PRTG: variants seen among roughly 807,000 people sequenced by gnomAD.
PRTG encodes immunoglobulin superfamily, DCC subclass, member 5.
PRTG carries 67 observed loss-of-function variants against 122.5 expected under a neutral mutation model. The ratio of observed to expected loss-of-function variants is 0.55; its 90% CI spans 0.45 to 0.67. PRTG has a LOEUF of 0.67. PRTG is among the 30% of genes least tolerant of loss of function. The pLI, the probability that PRTG is intolerant of heterozygous loss-of-function variation, is 0.00. For synonymous variants in PRTG, 554 were observed against 501.1 expected, an observed-to-expected ratio of 1.11 and a Z score of -1.41; for missense variants, 1,435 against 1,415.4, an observed-to-expected ratio of 1.01 and a Z score of -0.22.
rs1473205325 is a variant in PRTG at position 55,673,558 on chromosome 15, A to G, written c.1665T>C (p.Ser555=). The G allele has an allele frequency of 6.2e-7, 1 of 1,614,196 alleles. No individual in the cohort carries two copies. Among genetic ancestry groups the G allele is most frequent in the Non-Finnish European group, 8.5e-7 (1 of 1,180,034 alleles). The part of the protein sequence containing the change: ...RRGQVVLYRL[S]FRLSTENSIQ... ...TTGAATTCTCAGTACTTAGGCGGAA[A>G]GACAAGCGATACAGCACCACTTGGC... The change falls in exon 10 of 20, where the codon TCT becomes TCC. Residue 555 remains serine (S), a synonymous_variant. Transcript: ENST00000389286.
Position 55,618,082 on chromosome 15 carries a change from T to C in PRTG, c.*1930A>G, listed in dbSNP as rs2059148602. The C allele has an allele frequency of 6.6e-6, 1 of 152,194 alleles. No individual in the cohort carries two copies. The highest frequency in any genetic ancestry group is 2.1e-4 in the South Asian group (1 of 4,824). 9.4% of individuals were successfully genotyped at this position (152,194 alleles called of 1,614,324 possible). On this transcript the variant is annotated 3_prime_UTR_variant, in exon 20 of 20. Transcript: ENST00000389286. ...CAGCATTTTTCCTTGCTGCAGACTG[T>C]TCACCTAAAGCTCTGCTTTTTTGTT...
intron 18 of PRTG, among the ~76,000 whole-genome samples, chr15:55,623,387 G>A (rs533108048): frequency 6.6e-6 from 1 of 152,258 alleles, no homozygotes; most frequent in African/African-American, 2.4e-5. Flanking sequence ...GACCAACACG[G>A]TGAAACCCCA....
At chr15:55,742,702 G>T (rs1171752226) in intron 1 of PRTG, 136 bp downstream of exon 1, 4 of 1,046,020 alleles carry the variant, frequency 3.8e-6, no homozygotes, top group Non-Finnish European at 5.6e-6. Context: ...GGGCGAGAGC[G>T]GGGGCCGGGG....
intron 15 of PRTG, among the ~76,000 whole-genome samples, chr15:55,636,049 G>T (rs1428411124): frequency 6.6e-6 from 1 of 151,686 alleles, no homozygotes; most frequent in Non-Finnish European, 1.5e-5. Flanking sequence ...TCAAGATTTA[G>T]GCTGGGCGTG....
In PRTG at chr15:55,655,836, G is replaced by C. The variant is rs761746021; in HGVS notation, c.2042-14628C>G. The C allele has an allele frequency of 4.6e-5, 7 of 152,202 alleles. No individual in the cohort carries two copies. The East Asian group carries it at 7.7e-4, about 17-fold the overall frequency. The allele number at this position is 152,202 out of a possible 1,614,324, so 9.4% of individuals were successfully genotyped here. ...AGTGCTGTTGTTTTAACCTTTCAGTGCCTAATCATTGTAAAACCATTATCT... is the reference window on the plus strand; with the variant it reads ...AGTGCTGTTGTTTTAACCTTTCAGTCCCTAATCATTGTAAAACCATTATCT... On this transcript the variant is annotated intron_variant, in intron 11 of 19. Coordinates refer to ENST00000389286, the MANE Select transcript of PRTG (RefSeq NM_173814.6).
chr15:55,732,675 G>C (rs2031277098), intron 2 of PRTG, among the ~76,000 whole-genome samples: 2 of 151,862 alleles, frequency 1.3e-5, no homozygotes, highest in South Asian at 4.2e-4. Flanking sequence ...TGTATTTTCA[G>C]TAGAGAGGGG....
chr15:55,620,166 C>T lies in PRTG; in HGVS notation c.3299G>A (p.Ser1100Asn), dbSNP rs1472815467. The T allele has an allele frequency of 1.9e-6, 3 of 1,614,070 alleles. No individual in the cohort carries two copies. Among genetic ancestry groups the T allele is most frequent in the East Asian group, 4.5e-5 (2 of 44,904 alleles). Reference sequence around the variant, plus strand: ...TGCAACACCAAAGGGTCTTGAGAAGCTGGTTGTCTGACCTGGGGAGCTAGG... The same window carrying T: ...TGCAACACCAAAGGGTCTTGAGAAGTTGGTTGTCTGACCTGGGGAGCTAGG... ...DSPSSPGQTTSFSRPFGVAAD... is the reference protein window; with the variant it reads ...DSPSSPGQTTNFSRPFGVAAD... Residue 1100 changes from serine (S) to asparagine (N), a missense_variant, in exon 20 of 20, where the codon AGC becomes AAC. By Grantham distance (46) the Ser-to-Asn change is conservative. Coordinates refer to ENST00000389286, the MANE Select transcript of PRTG (RefSeq NM_173814.6).
intron 15 of PRTG, among the ~76,000 whole-genome samples, chr15:55,636,922 C>G (rs2059260728): frequency 6.6e-6 from 1 of 152,212 alleles, no homozygotes; most frequent in Non-Finnish European, 1.5e-5. Context: ...GCTGAGATTA[C>G]AGGCGTGAGC....
intron 6 of PRTG, 200 bp downstream of exon 6, chr15:55,679,854 T>C: frequency 3.6e-6 from 2 of 548,988 alleles, no homozygotes; most frequent in Admixed American, 3.3e-5. Context: ...ATGGTATGCA[T>C]GTAAACAGAA....
At chr15:55,736,866 T>G (rs2031428220) in intron 2 of PRTG, among the ~76,000 whole-genome samples, 1 of 152,204 alleles carries the variant, frequency 6.6e-6, no homozygotes, top group Admixed American at 6.5e-5. Flanking sequence ...AACAACTAGC[T>G]TCCTGTTCAA....
intron 2 of PRTG, among the ~76,000 whole-genome samples, chr15:55,711,568 G>A (rs540359658): frequency 2.0e-5 from 3 of 152,182 alleles, no homozygotes; most frequent in African/African-American, 7.2e-5. Context: ...CCAAAGACAT[G>A]TGAACAAACT....
intron 15 of PRTG, among the ~76,000 whole-genome samples, chr15:55,636,632 G>A (rs946102617): frequency 6.6e-6 from 1 of 151,864 alleles, no homozygotes; most frequent in Non-Finnish European, 1.5e-5. Flanking sequence ...ATCTCCAGTT[G>A]GCCTCAACCA....
chr15:55,637,133 G>T, intron 15 of PRTG, 37 bp downstream of exon 15: 2 of 1,369,882 alleles, frequency 1.5e-6, no homozygotes, highest in Non-Finnish European at 1.9e-6. Flanking sequence ...ATTAATAATC[G>T]TACTTTTCAC....
chr15:55,624,289 C>CA, intron 18 of PRTG, 53 bp downstream of exon 18: 3 of 1,543,018 alleles, frequency 1.9e-6, no homozygotes, highest in South Asian at 1.2e-5. Flanking sequence ...TTTACACACA[C>CA]AGGGAGGAGG....
intron 10 of PRTG, 142 bp downstream of exon 10, chr15:55,673,229 A>G: frequency 1.5e-6 from 1 of 683,252 alleles, no homozygotes; most frequent in South Asian, 2.3e-5. Flanking sequence ...TAAAAAGTTT[A>G]ATTTTTTTCA....
intron 2 of PRTG, among the ~76,000 whole-genome samples, chr15:55,722,392 C>T (rs2030858020): frequency 7.0e-6 from 1 of 143,630 alleles, no homozygotes; most frequent in African/African-American, 2.4e-5. Flanking sequence ...TCAATAAATA[C>T]TTGTTGGGGA....
At chr15:55,625,542 C>G (rs567259062) in intron 17 of PRTG, among the ~76,000 whole-genome samples, 2 of 152,002 alleles carry the variant, frequency 1.3e-5, no homozygotes, top group South Asian at 4.2e-4. Flanking sequence ...ACCTCAAACT[C>G]CTGAGCTCAA....
intron 2 of PRTG, among the ~76,000 whole-genome samples, chr15:55,707,894 C>T (rs949525400): frequency 2.0e-5 from 3 of 152,128 alleles, no homozygotes; most frequent in African/African-American, 4.8e-5. Flanking sequence ...CTATTCACCA[C>T]CTTATGCAAA....
At chr15:55,673,321 G>C (rs1391724176) in intron 10 of PRTG, 50 bp downstream of exon 10, 1 of 1,302,552 alleles carries the variant, frequency 7.7e-7, no homozygotes, top group Non-Finnish European at 1.1e-6. Flanking sequence ...AGAAAAACTT[G>C]ATTCAAAAGT....
Sources: gnomAD v4.1 joint callset for allele counts (sites outside exome capture counted in the v4.1 genomes callset) on GRCh38, gnomAD v4.1.1 for gene constraint, MANE v1.5 for transcripts, NCBI Gene and HGNC (gene_info 2026-07-23, HGNC 2026-07-21) for gene names.